Variants in LMNTD1 observed in about 807,000 individuals in gnomAD.
The protein encoded by LMNTD1 is lamin tail domain containing 1.
In LMNTD1, 35 loss-of-function variants were observed where a neutral mutation model predicts 50.9. The observed-to-expected ratio is 0.69, with a 90% CI of 0.53 to 0.91. LMNTD1 has a LOEUF of 0.91. Among genes scored for constraint, LMNTD1 ranks in the 40% least tolerant of loss-of-function variants. LMNTD1 has a pLI of 0.00. For missense variants in LMNTD1, 470 were observed against 475.5 expected (o/e 0.99, Z 0.11); for synonymous variants, 153 against 161.9 (o/e 0.94, Z 0.42).
At chr12:25,611,063 G>C (rs1565518384) in intron 1 of LMNTD1, among the ~76,000 whole-genome samples, 1 of 152,112 alleles carries the variant, frequency 6.6e-6, no homozygotes, top group Non-Finnish European at 1.5e-5. Context: ...AAAGTGAAGA[G>C]AACGAAGAGA....
chr12:25,560,644 A>G (rs920546973), intron 1 of LMNTD1, among the ~76,000 whole-genome samples: 7 of 152,124 alleles, frequency 4.6e-5, no homozygotes, highest in African/African-American at 1.7e-4. Flanking sequence ...GGATATAGCC[A>G]TTTTCACAAT....
At position 25,578,425 on chromosome 12, in the gene LMNTD1, G is replaced by T. The variant is rs370727938; in HGVS notation, c.59-31871C>A. ...CTCAACTCCATAGCTTTTTTTTCCT[G>T]GAGATCCTCATAGGAGCAAGTAACC... On this transcript the variant is annotated intron_variant, in intron 1 of 7. Coordinates refer to the LMNTD1 transcript ENST00000445693. Among the ~76,000 whole-genome samples the T allele has an allele frequency of 3.3e-5, 5 of 152,152 alleles. No homozygotes were observed. In the East Asian group the frequency reaches 7.7e-4, roughly 23 times the overall value.
intron 1 of LMNTD1, among the ~76,000 whole-genome samples, chr12:25,646,723 C>T (rs1947079745): frequency 6.6e-6 from 1 of 152,192 alleles, no homozygotes; most frequent in African/African-American, 2.4e-5. Context: ...AAAATTCTAA[C>T]AGTAGTAAGC....
chr12:25,630,198 AC>A (rs1304834574), intron 1 of LMNTD1, among the ~76,000 whole-genome samples: 1 of 152,224 alleles, frequency 6.6e-6, no homozygotes, highest in Non-Finnish European at 1.5e-5. Flanking sequence ...AAATAAAAAA[AC>A]AAATAATCAA....
At chr12:25,614,889 T>C (rs753958629) in intron 1 of LMNTD1, among the ~76,000 whole-genome samples, 22 of 152,238 alleles carry the variant, frequency 1.4e-4, no homozygotes, top group Non-Finnish European at 2.1e-4. Context: ...GATGGCCATC[T>C]TCTCCCTGTT....
At chr12:25,618,544 T>A (rs1946395832) in intron 1 of LMNTD1, among the ~76,000 whole-genome samples, 1 of 152,164 alleles carries the variant, frequency 6.6e-6, no homozygotes, top group African/African-American at 2.4e-5. Flanking sequence ...TACAAAGACC[T>A]TAGTGGGAGT....
In LMNTD1 at chr12:25,622,917, C is replaced by A. The variant is rs187499374; in HGVS notation, c.58+25577G>T. ...TGGCCTCTCTTATTTTACATACCAT[C>A]TTAATGAACCTAAACATCTGTTTTT... On this transcript the variant is annotated intron_variant, in intron 1 of 7. Transcript: ENST00000445693. Among the ~76,000 whole-genome samples, 93 of 151,760 alleles carry A rather than the reference C, an allele frequency of 6.1e-4. 3 individuals carry two copies. The highest frequency in any genetic ancestry group is 1.3e-4 in the Non-Finnish European group (9 of 67,918).
chr12:25,526,971 C>T lies in LMNTD1; in HGVS notation c.492-16G>A, dbSNP rs145623906. ...TCCAAGAGAACTAGAAAATAAAACA[C>T]AAAGATTGTAAGCTGCCTTCAGATA... On this transcript the variant is annotated splice_polypyrimidine_tract_variant and intron_variant, in intron 4 of 9. Coordinates refer to ENST00000458174, the MANE Select transcript of LMNTD1 (RefSeq NM_001145728.2). 4.0e-4 allele frequency: 624 copies of T among 1,572,066 alleles called. 3 individuals are homozygous for T. The African/African-American group carries it at 7.7e-3, about 20-fold the overall frequency.
intron 9 of LMNTD1, among the ~76,000 whole-genome samples, chr12:25,481,811 A>G (rs1488461079): frequency 6.7e-6 from 1 of 150,368 alleles, no homozygotes; most frequent in Non-Finnish European, 1.5e-5. Flanking sequence ...ATCGCAACCT[A>G]ACTACCTAGT....
intron 1 of LMNTD1, among the ~76,000 whole-genome samples, chr12:25,580,811 A>T (rs1196951259): frequency 1.3e-5 from 2 of 152,112 alleles, no homozygotes; most frequent in African/African-American, 4.8e-5. Context: ...AATCAGACAA[A>T]CCGGAAATTG....
chr12:25,515,865 T>C (rs753635924), intron 8 of LMNTD1, among the ~76,000 whole-genome samples: 25 of 152,140 alleles, frequency 1.6e-4, no homozygotes, highest in Non-Finnish European at 2.9e-4. Flanking sequence ...CTCAGCAAAC[T>C]AGCCTATTTA....
intron 1 of LMNTD1, among the ~76,000 whole-genome samples, chr12:25,589,349 C>T (rs1042579183): frequency 2.6e-5 from 4 of 152,094 alleles, no homozygotes; most frequent in Admixed American, 6.6e-5. Context: ...ATTATAGGCA[C>T]ACACATATAT....
At chr12:25,508,683 G>C (rs1446608698) in intron 8 of LMNTD1, among the ~76,000 whole-genome samples, 1 of 152,102 alleles carries the variant, frequency 6.6e-6, no homozygotes, top group Non-Finnish European at 1.5e-5. Flanking sequence ...ATTAGTATGT[G>C]TATATTCATT....
At chr12:25,486,784 T>C (rs1161874209) in intron 9 of LMNTD1, among the ~76,000 whole-genome samples, 1 of 150,584 alleles carries the variant, frequency 6.6e-6, no homozygotes. Flanking sequence ...TGTCTTTGGC[T>C]CTGTTTATAT....
intron 1 of LMNTD1, among the ~76,000 whole-genome samples, chr12:25,568,829 G>A (rs1944664896): frequency 6.6e-6 from 1 of 152,194 alleles, no homozygotes; most frequent in African/African-American, 2.4e-5. Context: ...AGGAGGCTTG[G>A]CAAATTCCAC....
At chr12:25,533,399 C>T (rs1218457825) in intron 4 of LMNTD1, among the ~76,000 whole-genome samples, 1 of 152,148 alleles carries the variant, frequency 6.6e-6, no homozygotes, top group East Asian at 1.9e-4. Flanking sequence ...AGAAACATGG[C>T]TAAGTCACTT....
rs1433472118 is a variant in LMNTD1, at chr12:25,487,374, T to A, written c.*23-10914A>T. On this transcript the variant is annotated intron_variant, in intron 9 of 9. Coordinates refer to ENST00000458174, the MANE Select transcript of LMNTD1 (RefSeq NM_001145728.2). ...TAGCTCTTCTTGTTGAATTGATCCC[T>A]TTACCATTATGTAATGGCCTTCTTT... is the stretch of plus-strand genomic sequence containing the variant. Among the ~76,000 whole-genome samples, 25 of 134,982 alleles carry A rather than the reference T, an allele frequency of 1.9e-4. 1 individual carries two copies. The highest frequency in any genetic ancestry group is 4.5e-4 in the African/African-American group (16 of 35,908). 88.6% of individuals were successfully genotyped at this position (134,982 alleles called of 152,430 possible). A position where few individuals can be genotyped will look rare whatever the true frequency, so the allele number is the denominator to read the frequency against.
At chr12:25,582,301 A>G (rs1945324069) in intron 1 of LMNTD1, 1 of 152,274 alleles carries the variant, frequency 6.6e-6, no homozygotes, top group Admixed American at 6.5e-5. Context: ...CGGTCATGAC[A>G]GGGAATATTA....
intron 9 of LMNTD1, among the ~76,000 whole-genome samples, chr12:25,498,530 G>A (rs555273958): frequency 1.3e-5 from 2 of 152,146 alleles, no homozygotes; most frequent in Admixed American, 1.3e-4. Flanking sequence ...TGACACATAT[G>A]CTTTTGGAAA....
Sources: gnomAD v4.1 joint callset for allele counts (sites outside exome capture counted in the v4.1 genomes callset) on GRCh38, gnomAD v4.1.1 for gene constraint, MANE v1.5 for transcripts, NCBI Gene and HGNC (gene_info 2026-07-23, HGNC 2026-07-21) for gene names.